The following KLRD1 variants were observed in gnomAD, a reference collection of about 807,000 sequenced individuals.
The protein encoded by KLRD1 is killer cell lectin like receptor D1.
A neutral mutation model predicts 22.6 loss-of-function variants in KLRD1; 21 were observed. The observed-to-expected ratio is 0.93, with a 90% confidence interval of 0.66 to 1.34. The LOEUF (loss-of-function observed/expected upper bound fraction) is 1.34. Ranked by LOEUF, KLRD1 falls within the 40% of genes most tolerant of loss-of-function variation. The pLI is 0.00. For missense variants in KLRD1, 183 were observed against 208.6 expected (o/e 0.88, Z 0.76); for synonymous variants, 59 against 71.1 (o/e 0.83, Z 0.85).
At chr12:10,274,470 TTAA>T (rs1949575649) in intron 1 of KLRD1, among the ~76,000 whole-genome samples, 1 of 152,118 alleles carries the variant, frequency 6.6e-6, no homozygotes, top group Non-Finnish European at 1.5e-5. Flanking sequence ...GATGGGTCTT[TTAA>T]TAATAATCAA....
chr12:10,257,438 C>T (rs796644294), intron 1 of KLRD1, among the ~76,000 whole-genome samples: 2 of 141,152 alleles, frequency 1.4e-5, no homozygotes, highest in African/African-American at 2.7e-5. Context: ...TTCTTGTCTT[C>T]TGACTCAGTA....
chr12:10,258,948 A>G (rs1324250437), intron 1 of KLRD1, among the ~76,000 whole-genome samples: 1 of 152,230 alleles, frequency 6.6e-6, no homozygotes, highest in Non-Finnish European at 1.5e-5. Context: ...AGAAACTTAG[A>G]TCATTTGTAG....
chr12:10,292,636 G>C (rs550318879), intron 1 of KLRD1, among the ~76,000 whole-genome samples: 21 of 152,200 alleles, frequency 1.4e-4, no homozygotes, highest in African/African-American at 5.1e-4. Flanking sequence ...GGACTTTGTT[G>C]CTCTATATAG....
chr12:10,279,434 T>C (rs1949621007), intron 1 of KLRD1, among the ~76,000 whole-genome samples: 1 of 152,208 alleles, frequency 6.6e-6, no homozygotes, highest in Non-Finnish European at 1.5e-5. Flanking sequence ...TATAAATGCC[T>C]GAATGTGTTT....
intron 1 of KLRD1, among the ~76,000 whole-genome samples, chr12:10,298,277 T>G (rs888288730): frequency 6.6e-6 from 1 of 152,224 alleles, no homozygotes; most frequent in Non-Finnish European, 1.5e-5. Flanking sequence ...AAGTTTGTGG[T>G]GATTGATACA....
At chr12:10,251,955 C>T (rs1486443233) in intron 1 of KLRD1, among the ~76,000 whole-genome samples, 1 of 152,096 alleles carries the variant, frequency 6.6e-6, no homozygotes, top group Non-Finnish European at 1.5e-5. Flanking sequence ...CCTAACAGGC[C>T]ACAGTACCGG....
At chr12:10,280,520 A>T (rs1949630490) in intron 1 of KLRD1, among the ~76,000 whole-genome samples, 1 of 152,130 alleles carries the variant, frequency 6.6e-6, no homozygotes, top group Non-Finnish European at 1.5e-5. Flanking sequence ...CAGCAGGATG[A>T]TGTTCACGCC....
chr12:10,241,520 G>A (rs1482581024), intron 1 of KLRD1, among the ~76,000 whole-genome samples: 1 of 152,122 alleles, frequency 6.6e-6, no homozygotes. Flanking sequence ...CAAAGAGAAG[G>A]CTTCTAGGTC....
At chr12:10,268,810 C>T (rs1323798090) in intron 1 of KLRD1, among the ~76,000 whole-genome samples, 1 of 152,132 alleles carries the variant, frequency 6.6e-6, no homozygotes, top group Non-Finnish European at 1.5e-5. Context: ...CTTATAAATA[C>T]TCTTAATCAA....
Position 10,322,608 on chromosome 12 carries a change from G to A in KLRD1, c.*7815G>A, listed in dbSNP as rs746242922. The A allele has an allele frequency of 4.6e-5, 7 of 152,028 alleles. No individual in the cohort carries two copies. The highest frequency in any genetic ancestry group is 7.4e-5 in the Non-Finnish European group (5 of 68,012). 9.4% of individuals were successfully genotyped at this position (152,028 alleles called of 1,614,324 possible). ...TACTAGACCTGCTCCACAAACTGCC[G>A]TCATGAAATTTTTCTTCACTAATTT... On this transcript the variant is annotated 3_prime_UTR_variant, in exon 6 of 6. Transcript: ENST00000336164.
At position 10,328,688 on chromosome 12, in the gene KLRD1, CTTTG is replaced by C. The variant is rs568226028; in HGVS notation, c.*13902_*13905del. 207 of 152,032 alleles carry C rather than the reference CTTTG, an allele frequency of 1.4e-3. 1 individual carries two copies. The highest frequency in any genetic ancestry group is 4.8e-3 in the African/African-American group (199 of 41,456). 9.4% of individuals were successfully genotyped at this position (152,032 alleles called of 1,614,324 possible). ...TTTTCTTTATTCTTCTAAATTTGAA[CTTTG>C]TTTGTTCTTTTCTACATTTCTAGTT... On this transcript the variant is annotated 3_prime_UTR_variant, in exon 6 of 6. Coordinates refer to ENST00000336164, the MANE Select transcript of KLRD1 (RefSeq NM_002262.5).
chr12:10,291,609 C>T (rs976689205), intron 1 of KLRD1, among the ~76,000 whole-genome samples: 4 of 63,000 alleles, frequency 6.3e-5, no homozygotes, highest in Non-Finnish European at 1.3e-4. Flanking sequence ...ATCAATTCAG[C>T]CACATCTTTT....
intron 1 of KLRD1, among the ~76,000 whole-genome samples, chr12:10,246,918 C>CT (rs1565446264): frequency 1.6e-4 from 5 of 31,214 alleles, no homozygotes; most frequent in Non-Finnish European, 4.3e-4. Flanking sequence ...TTTTCTTTTT[C>CT]TTTTCTTTTC....
chr12:10,245,500 A>G (rs1949282464), intron 1 of KLRD1, among the ~76,000 whole-genome samples: 1 of 152,244 alleles, frequency 6.6e-6, no homozygotes, highest in Non-Finnish European at 1.5e-5. Context: ...ATGTGAATAC[A>G]TGAAAATCTG....
intron 1 of KLRD1, among the ~76,000 whole-genome samples, chr12:10,264,751 A>G (rs539047440): frequency 6.6e-5 from 10 of 152,012 alleles, no homozygotes; most frequent in Admixed American, 3.9e-4. Flanking sequence ...CAAGAGTCCA[A>G]TACATTATTG....
Position 10,318,347 on chromosome 12 carries a change from C to A in KLRD1, c.*3554C>A, listed in dbSNP as rs1439294759. ...TGATAGCTTCCATATGAGATAATTA[C>A]AGATCTTGTCTCTGCTGTGTGACCA... On this transcript the variant is annotated 3_prime_UTR_variant, in exon 6 of 6. Coordinates refer to ENST00000336164, the MANE Select transcript of KLRD1 (RefSeq NM_002262.5). The A allele has an allele frequency of 6.6e-6, 1 of 152,120 alleles. No homozygotes were observed. Among genetic ancestry groups the A allele is most frequent in the Non-Finnish European group, 1.5e-5 (1 of 68,034 alleles). 9.4% of individuals were successfully genotyped at this position (152,120 alleles called of 1,614,324 possible).
chr12:10,278,987 GTTTT>G (rs201158757), intron 1 of KLRD1, among the ~76,000 whole-genome samples: 3 of 128,414 alleles, frequency 2.3e-5, no homozygotes, highest in Non-Finnish European at 5.0e-5. Flanking sequence ...GTTAGCATCA[GTTTT>G]TTTTTTTTTT....
chr12:10,245,368 A>C (rs1309229708), intron 1 of KLRD1, among the ~76,000 whole-genome samples: 1 of 152,188 alleles, frequency 6.6e-6, no homozygotes, highest in Non-Finnish European at 1.5e-5. Context: ...AAAAACAAAA[A>C]ATAAGTAAAT....
At chr12:10,296,585 C>T (rs984726784) in intron 1 of KLRD1, among the ~76,000 whole-genome samples, 1 of 152,012 alleles carries the variant, frequency 6.6e-6, no homozygotes, top group Non-Finnish European at 1.5e-5. Flanking sequence ...GGCAGATCTA[C>T]TCATCTAAGT....
Sources: gnomAD v4.1 joint callset for allele counts (sites outside exome capture counted in the v4.1 genomes callset) on GRCh38, gnomAD v4.1.1 for gene constraint, MANE v1.5 for transcripts, NCBI Gene and HGNC (gene_info 2026-07-23, HGNC 2026-07-21) for gene names.